Variants in NETO1 observed in about 807,000 individuals in gnomAD.
NETO1 encodes neuropilin and tolloid like 1.
A neutral mutation model predicts 61.3 loss-of-function variants in NETO1; 26 were observed. The ratio of observed to expected loss-of-function variants is 0.42; its 90% CI spans 0.31 to 0.59. The LOEUF is 0.59. NETO1 is among the 20% of genes least tolerant of loss of function. The pLI, the probability that NETO1 is intolerant of heterozygous loss-of-function variation, is 0.12. For synonymous variants in NETO1, 225 were observed against 225.8 expected, an observed-to-expected ratio of 1.00 and a Z score of 0.03; for missense variants, 531 against 662.8, an observed-to-expected ratio of 0.80 and a Z score of 2.18.
rs1352383756 is a variant in NETO1 at position 72,794,169 on chromosome 18, G to A, written c.587C>T (p.Ala196Val). The change falls in exon 6 of 11, where the codon GCT (alanine) becomes GTT (valine). Residue 196 changes from alanine to valine, a missense_variant. Transcript: ENST00000327305. ...IQIMKEGKAT[A>V]SEAVDCKWYI... ...CCACTTGCAATCAACAGCCTCGCTA[G>A]CAGTAGCTTTGCCTTCCTTCATAAT... The A allele has an allele frequency of 6.2e-7, 1 of 1,614,178 alleles. No individual in the cohort carries two copies. Among genetic ancestry groups the A allele is most frequent in the Non-Finnish European group, 8.5e-7 (1 of 1,180,034 alleles).
intron 4 of NETO1, among the ~76,000 whole-genome samples, chr18:72,815,150 T>C (rs145771129): frequency 1.3e-5 from 2 of 152,240 alleles, no homozygotes; most frequent in African/African-American, 4.8e-5. Flanking sequence ...TTCATGTGTT[T>C]AAAGAACGGA....
intron 7 of NETO1, among the ~76,000 whole-genome samples, chr18:72,778,581 G>T (rs1479536747): frequency 6.6e-6 from 1 of 152,042 alleles, no homozygotes. Flanking sequence ...ACACAATTCT[G>T]CCATATTCTT....
At chr18:72,845,013 G>T (rs187366164) in intron 4 of NETO1, among the ~76,000 whole-genome samples, 1 of 152,156 alleles carries the variant, frequency 6.6e-6, no homozygotes. Flanking sequence ...ATGCCATGGC[G>T]CTCACCAAAC....
intron 6 of NETO1, among the ~76,000 whole-genome samples, chr18:72,785,549 T>TG (rs1246641055): frequency 1.3e-5 from 2 of 152,226 alleles, no homozygotes; most frequent in African/African-American, 4.8e-5. Context: ...CAGTCTTTTT[T>TG]TCATTATACT....
intron 4 of NETO1, among the ~76,000 whole-genome samples, chr18:72,801,451 A>G (rs1192541462): frequency 6.6e-6 from 1 of 152,174 alleles, no homozygotes; most frequent in Non-Finnish European, 1.5e-5. Flanking sequence ...TCCAGATATT[A>G]CATGACAATG....
At chr18:72,765,599 C>T (rs192618394) in intron 7 of NETO1, among the ~76,000 whole-genome samples, 21 of 151,936 alleles carry the variant, frequency 1.4e-4, no homozygotes, top group African/African-American at 4.8e-4. Flanking sequence ...TTGTATTTTC[C>T]GTAGAGATGG....
intron 4 of NETO1, among the ~76,000 whole-genome samples, chr18:72,825,221 C>A (rs1318440405): frequency 3.3e-5 from 5 of 152,196 alleles, no homozygotes; most frequent in African/African-American, 1.2e-4. Flanking sequence ...GAGCCCTAAC[C>A]TGGGGCTTTC....
At chr18:72,766,220 ATGTGTGTGTGTG>A (rs34670401) in intron 7 of NETO1, among the ~76,000 whole-genome samples, 27 of 144,758 alleles carry the variant, frequency 1.9e-4, no homozygotes, top group Non-Finnish European at 2.4e-4. Context: ...AAAAAAAAAT[ATGTGTGTGTGTG>A]TGTGTGTGTG....
chr18:72,853,478 G>C (rs2074319103), intron 4 of NETO1: 1 of 151,924 alleles, frequency 6.6e-6, no homozygotes, highest in Non-Finnish European at 1.5e-5. Context: ...CCTTCTTTTA[G>C]CTGGATGTGG....
intron 4 of NETO1, among the ~76,000 whole-genome samples, chr18:72,835,979 G>A (rs142160860): frequency 4.1e-4 from 63 of 152,272 alleles, no homozygotes; most frequent in Admixed American, 7.8e-4. Context: ...ACACTGAGAC[G>A]GGGCAGCTTC....
chr18:72,791,738 T>C (rs888808863), intron 6 of NETO1, among the ~76,000 whole-genome samples: 3 of 152,198 alleles, frequency 2.0e-5, no homozygotes, highest in Admixed American at 2.0e-4. Context: ...GCACATATAA[T>C]CCTGTTTTTT....
intron 4 of NETO1, among the ~76,000 whole-genome samples, chr18:72,855,293 C>T (rs1161389702): frequency 6.6e-6 from 1 of 152,196 alleles, no homozygotes; most frequent in Admixed American, 6.5e-5. Context: ...ACAAGCCTCA[C>T]TCTTATCCTT....
At chr18:72,761,754 G>T (rs924977761) in intron 7 of NETO1, among the ~76,000 whole-genome samples, 18 of 152,052 alleles carry the variant, frequency 1.2e-4, no homozygotes, top group African/African-American at 4.1e-4. Flanking sequence ...TGTTATCTAT[G>T]GGTACCTTAA....
intron 4 of NETO1, among the ~76,000 whole-genome samples, chr18:72,857,669 C>T (rs899067525): frequency 1.3e-5 from 2 of 152,180 alleles, no homozygotes; most frequent in African/African-American, 4.8e-5. Context: ...ATTAAGCTAA[C>T]ATTTGTACCT....
intron 4 of NETO1, among the ~76,000 whole-genome samples, chr18:72,840,526 G>A (rs1382715158): frequency 6.6e-6 from 1 of 152,120 alleles, no homozygotes; most frequent in Non-Finnish European, 1.5e-5. Context: ...AATTACTGAG[G>A]GTGATTTATA....
Position 72,751,887 on chromosome 18 carries a change from A to G in NETO1, c.983-1267T>C, listed in dbSNP as rs1254778344. The G allele has an allele frequency of 2.0e-5, 3 of 152,314 alleles. No individual in the cohort carries two copies. In the East Asian group the frequency reaches 5.8e-4, roughly 29 times the overall value. The allele number at this position is 152,314 out of a possible 1,614,324, so 9.4% of individuals were successfully genotyped here. A position where few individuals can be genotyped will look rare whatever the true frequency, so the allele number is the denominator to read the frequency against. ...TGGTGTGTGGAGAAACTTAAGCCTA[A>G]TGATAATTTCAAAAACTATGGAGAT... On this transcript the variant is annotated intron_variant, in intron 8 of 10. Coordinates refer to ENST00000327305, the MANE Select transcript of NETO1 (RefSeq NM_138966.5).
At chr18:72,749,648 G>A (rs750791467) in intron 9 of NETO1, among the ~76,000 whole-genome samples, 7 of 152,052 alleles carry the variant, frequency 4.6e-5, no homozygotes, top group African/African-American at 7.2e-5. Flanking sequence ...CAAGATGGGT[G>A]AGCCATCTTG....
chr18:72,861,559 C>T (rs899677570), intron 3 of NETO1, among the ~76,000 whole-genome samples: 16 of 152,182 alleles, frequency 1.1e-4, no homozygotes, highest in Non-Finnish European at 1.9e-4. Context: ...AATCTTCAGA[C>T]GCACTGAGAA....
intron 4 of NETO1, chr18:72,835,364 A>T (rs745530969): frequency 2.6e-6 from 4 of 1,514,110 alleles, no homozygotes; most frequent in Non-Finnish European, 3.6e-6. Flanking sequence ...AGACCAGTAT[A>T]TGATCAGGCA....
Sources: gnomAD v4.1 joint callset for allele counts (sites outside exome capture counted in the v4.1 genomes callset) on GRCh38, gnomAD v4.1.1 for gene constraint, MANE v1.5 for transcripts, NCBI Gene and HGNC (gene_info 2026-07-23, HGNC 2026-07-21) for gene names.